PDE4D: variants seen among roughly 807,000 people sequenced by gnomAD.
PDE4D encodes the protein phosphodiesterase 4D.
A neutral mutation model predicts 87.4 loss-of-function variants in PDE4D; 24 were observed. The observed-to-expected ratio is 0.27, with a 90% CI of 0.20 to 0.39. PDE4D has a LOEUF of 0.39. Among genes scored for constraint, PDE4D ranks in the 10% least tolerant of loss-of-function variants. The pLI, the probability that PDE4D is intolerant of heterozygous loss-of-function variation, is 1.00. For missense variants in PDE4D, 714 were observed against 1,041.0 expected (o/e 0.69, Z 4.32); for synonymous variants, 384 against 383.2 (o/e 1.00, Z -0.02).
chr5:59,684,941 C>CA (rs899697345), intron 1 of PDE4D, among the ~76,000 whole-genome samples: 1 of 152,216 alleles, frequency 6.6e-6, no homozygotes, highest in African/African-American at 2.4e-5. Flanking sequence ...ACGTTTCCCT[C>CA]AGCCTTAACT....
chr5:59,575,603 A>C (rs1288717311), intron 1 of PDE4D, among the ~76,000 whole-genome samples: 2 of 152,208 alleles, frequency 1.3e-5, no homozygotes, highest in Admixed American at 1.3e-4. Context: ...TTTATGCTCA[A>C]GATGACAATT....
chr5:60,256,433 T>G (rs1360496129), intron 1 of PDE4D, among the ~76,000 whole-genome samples: 1 of 151,948 alleles, frequency 6.6e-6, no homozygotes, highest in Non-Finnish European at 1.5e-5. Flanking sequence ...TATAAATCCT[T>G]AATTTGTGAT....
intron 5 of PDE4D, among the ~76,000 whole-genome samples, chr5:59,161,388 A>G (rs1386589940): frequency 6.6e-6 from 1 of 152,210 alleles, no homozygotes; most frequent in African/African-American, 2.4e-5. Context: ...CTTCGAGGTC[A>G]CAGGTAGATT....
chr5:59,464,521 C>A (rs2153647963), intron 1 of PDE4D, among the ~76,000 whole-genome samples: 1 of 152,332 alleles, frequency 6.6e-6, no homozygotes, highest in East Asian at 1.9e-4. Flanking sequence ...ACCCTCTCCC[C>A]ACTATTGCCT....
chr5:60,479,944 C>G (rs1313005877), intron 1 of PDE4D, among the ~76,000 whole-genome samples: 1 of 152,122 alleles, frequency 6.6e-6, no homozygotes, highest in African/African-American at 2.4e-5. Flanking sequence ...TTGCTTACAG[C>G]CTATAGCAAA....
chr5:60,515,918 T>A (rs1179188562), intron 1 of PDE4D, among the ~76,000 whole-genome samples: 1 of 152,178 alleles, frequency 6.6e-6, no homozygotes, highest in Admixed American at 6.5e-5. Flanking sequence ...TATAAATAAA[T>A]GTACATCTGT....
chr5:59,246,817 T>A (rs980418604), intron 1 of PDE4D, among the ~76,000 whole-genome samples: 1 of 152,174 alleles, frequency 6.6e-6, no homozygotes, highest in East Asian at 1.9e-4. Context: ...CAGATGGTGA[T>A]CTTTATCCAG....
chr5:59,639,640 T>A (rs561652568), intron 1 of PDE4D, among the ~76,000 whole-genome samples: 2 of 152,228 alleles, frequency 1.3e-5, no homozygotes, highest in African/African-American at 4.8e-5. Flanking sequence ...TTGAACTTGT[T>A]GAGTCTGAGG....
rs3061466 is a variant in PDE4D at position 59,181,543 on chromosome 5, G to GATATATAT, written c.759-907_759-900dup. On this transcript the variant is annotated intron_variant, in intron 4 of 14. Transcript: ENST00000340635. ...CTTTTAGATACATTCAAAGATGTCT[G>GATATATAT]ATATATATATATATATATATATATA... 3.1e-3 allele frequency among the ~76,000 whole-genome samples: 368 copies of GATATATAT among 118,868 alleles called. 7 individuals carry two copies. The highest frequency in any genetic ancestry group is 0.012 in the East Asian group (54 of 4,402). The allele number at this position is 118,868 out of a possible 152,430, so 78.0% of individuals were successfully genotyped here.
At chr5:59,731,285 C>T (rs1364790398) in intron 1 of PDE4D, among the ~76,000 whole-genome samples, 1 of 152,006 alleles carries the variant, frequency 6.6e-6, no homozygotes, top group African/African-American at 2.4e-5. Context: ...CTTCCTACTT[C>T]CTTTCCATTT....
intron 1 of PDE4D, among the ~76,000 whole-genome samples, chr5:59,605,185 T>C (rs926586685): frequency 2.0e-5 from 3 of 152,138 alleles, no homozygotes; most frequent in African/African-American, 4.8e-5. Context: ...AAGACAATTA[T>C]ATAGATTTAT....
chr5:59,147,836 G>C (rs1440132697), intron 5 of PDE4D, among the ~76,000 whole-genome samples: 2 of 152,084 alleles, frequency 1.3e-5, no homozygotes, highest in Non-Finnish European at 2.9e-5. Flanking sequence ...TATTTGGTTA[G>C]GTTACTTGTT....
chr5:59,664,911 TA>T (rs1293717404), intron 1 of PDE4D, among the ~76,000 whole-genome samples: 32 of 152,204 alleles, frequency 2.1e-4, no homozygotes, highest in Admixed American at 2.1e-3. Context: ...ATAGACTTTG[TA>T]AAATGCCATC....
chr5:59,945,263 T>C (rs1037619135), intron 3 of PDE4D, among the ~76,000 whole-genome samples: 1 of 152,200 alleles, frequency 6.6e-6, no homozygotes, highest in Non-Finnish European at 1.5e-5. Context: ...GAGGAGTATA[T>C]CAGAAGAGAG....
chr5:60,460,975 A>C (rs145582899), intron 1 of PDE4D, among the ~76,000 whole-genome samples: 2,838 of 152,182 alleles, frequency 0.019, 73 homozygotes, highest in African/African-American at 0.066. Flanking sequence ...GGACCCCCCA[A>C]GGAAGCTAAT....
At chr5:59,997,519 A>C (rs1763624493) in intron 2 of PDE4D, among the ~76,000 whole-genome samples, 1 of 152,214 alleles carries the variant, frequency 6.6e-6, no homozygotes, top group Non-Finnish European at 1.5e-5. Flanking sequence ...TATATTTATA[A>C]TGATAAACTG....
At chr5:59,587,742 CAAGT>C (rs1825381100) in intron 1 of PDE4D, 3 of 282,018 alleles carry the variant, frequency 1.1e-5, no homozygotes, top group Non-Finnish European at 1.6e-5. Context: ...TGCTAACCTC[CAAGT>C]AAGAGCAAGC....
intron 1 of PDE4D, among the ~76,000 whole-genome samples, chr5:60,466,703 G>A (rs1443491230): frequency 6.6e-6 from 1 of 152,060 alleles, no homozygotes; most frequent in Non-Finnish European, 1.5e-5. Flanking sequence ...ATTACACTTT[G>A]GAGCTCATTA....
intron 5 of PDE4D, among the ~76,000 whole-genome samples, chr5:59,119,788 G>A (rs1185967709): frequency 6.6e-6 from 1 of 152,166 alleles, no homozygotes; most frequent in Non-Finnish European, 1.5e-5. Context: ...CATATTCAGA[G>A]AAATGGATAT....
Sources: allele counts gnomAD v4.1 joint callset (sites outside exome capture counted in the v4.1 genomes callset), GRCh38; gene constraint gnomAD v4.1.1; transcripts MANE v1.5; gene names NCBI Gene and HGNC (gene_info 2026-07-23, HGNC 2026-07-21).